The following ABCB1 variants were observed in gnomAD, a reference collection of about 807,000 sequenced individuals.
ABCB1 encodes ATP-dependent translocase ABCB1.
Under a neutral mutation model 142.0 loss-of-function variants are expected in ABCB1, and 69 were observed. That is an observed-to-expected ratio of 0.49 (90% CI 0.40 to 0.59). The LOEUF is 0.59. ABCB1 is among the 20% of genes least tolerant of loss of function. The pLI is 0.00. For missense variants in ABCB1, 1,326 were observed against 1,554.7 expected, an observed-to-expected ratio of 0.85 and a Z score of 2.47; for synonymous variants, 532 against 539.2, an observed-to-expected ratio of 0.99 and a Z score of 0.18.
chr7:87,576,750 A>C (rs1309174974), intron 4 of ABCB1, among the ~76,000 whole-genome samples: 2 of 151,700 alleles, frequency 1.3e-5, no homozygotes, highest in African/African-American at 4.8e-5. Context: ...AATTTATTTA[A>C]TTTTAATTTT....
intron 1 of ABCB1, among the ~76,000 whole-genome samples, chr7:87,657,467 G>A (rs1355643197): frequency 1.3e-5 from 2 of 152,082 alleles, no homozygotes; most frequent in Non-Finnish European, 1.5e-5. Context: ...TTAGAATTCC[G>A]CCCTCCTGAG....
At chr7:87,617,828 G>C (rs913666619) in intron 1 of ABCB1, among the ~76,000 whole-genome samples, 4 of 152,166 alleles carry the variant, frequency 2.6e-5, no homozygotes, top group African/African-American at 9.7e-5. Flanking sequence ...GGATAAAGAT[G>C]AAAATGTTTA....
intron 9 of ABCB1, among the ~76,000 whole-genome samples, chr7:87,552,958 A>G (rs1440862491): frequency 6.6e-6 from 1 of 152,176 alleles, no homozygotes; most frequent in Non-Finnish European, 1.5e-5. Flanking sequence ...ATTAAATGGC[A>G]AGACTTCTGT....
At chr7:87,690,705 G>A (rs937671617) in intron 1 of ABCB1, among the ~76,000 whole-genome samples, 2 of 152,018 alleles carry the variant, frequency 1.3e-5, no homozygotes, top group African/African-American at 2.4e-5. Context: ...TAAGCAACTC[G>A]CCTTAACAGT....
At chr7:87,705,775 C>G (rs185426725) in intron 1 of ABCB1, among the ~76,000 whole-genome samples, 2 of 152,114 alleles carry the variant, frequency 1.3e-5, no homozygotes, top group African/African-American at 4.8e-5. Context: ...GGGTCATATG[C>G]TCTTATAAAC....
chr7:87,686,857 G>A (rs1302773161), intron 1 of ABCB1, among the ~76,000 whole-genome samples: 2 of 150,686 alleles, frequency 1.3e-5, no homozygotes, highest in Non-Finnish European at 3.0e-5. Context: ...AGGTGGGAGG[G>A]TCACCTGAGC....
At chr7:87,668,525 T>C (rs1825501164) in intron 1 of ABCB1, among the ~76,000 whole-genome samples, 1 of 152,038 alleles carries the variant, frequency 6.6e-6, no homozygotes. Flanking sequence ...CCGCTAGTAT[T>C]GGGGTTGATT....
chr7:87,531,675 C>A, intron 20 of ABCB1, 178 bp from the exon 21 acceptor site: 1 of 611,810 alleles, frequency 1.6e-6, no homozygotes, highest in Non-Finnish European at 2.8e-6. Context: ...TCCATGACTT[C>A]AGAATGCTGA....
At chr7:87,574,738 C>T (rs1818204109) in intron 4 of ABCB1, among the ~76,000 whole-genome samples, 1 of 152,170 alleles carries the variant, frequency 6.6e-6, no homozygotes, top group African/African-American at 2.4e-5. Flanking sequence ...CATCATCTTA[C>T]CCCTAGCAGA....
chr7:87,551,668 A>T (rs985142081), intron 9 of ABCB1, among the ~76,000 whole-genome samples: 2 of 152,148 alleles, frequency 1.3e-5, no homozygotes, highest in African/African-American at 4.8e-5. Context: ...TTAAAAAAAA[A>T]AATTATAGAG....
intron 1 of ABCB1, among the ~76,000 whole-genome samples, chr7:87,677,543 T>C (rs558325520): frequency 6.6e-6 from 1 of 152,098 alleles, no homozygotes; most frequent in Non-Finnish European, 1.5e-5. Context: ...AGGGGAGATA[T>C]TGGTCAAAGG....
At chr7:87,619,912 G>A (rs958704775) in intron 1 of ABCB1, among the ~76,000 whole-genome samples, 3 of 152,122 alleles carry the variant, frequency 2.0e-5, no homozygotes, top group East Asian at 3.8e-4. Flanking sequence ...GCTTGCATAA[G>A]CAGAATTCAG....
chr7:87,683,484 T>G (rs1388853792), intron 1 of ABCB1, among the ~76,000 whole-genome samples: 1 of 152,184 alleles, frequency 6.6e-6, no homozygotes, highest in Non-Finnish European at 1.5e-5. Flanking sequence ...GAGGCCATTA[T>G]AGGATTATTA....
intron 6 of ABCB1, 97 bp from the exon 7 acceptor site, chr7:87,566,338 A>C: frequency 8.1e-7 from 1 of 1,235,100 alleles, no homozygotes; most frequent in Non-Finnish European, 1.2e-6. Flanking sequence ...TTATGGCTAG[A>C]GTATTTTGTG....
chr7:87,651,968 G>A (rs767189849), intron 1 of ABCB1, among the ~76,000 whole-genome samples: 4 of 151,950 alleles, frequency 2.6e-5, no homozygotes, highest in Admixed American at 6.6e-5. Flanking sequence ...CCTTTTTGCT[G>A]TTCTGTGTTT....
At chr7:87,606,326 A>G (rs1327473456) in intron 1 of ABCB1, among the ~76,000 whole-genome samples, 1 of 152,162 alleles carries the variant, frequency 6.6e-6, no homozygotes, top group Non-Finnish European at 1.5e-5. Flanking sequence ...ATAAACAAGT[A>G]GGAGTTGAAA....
intron 1 of ABCB1, among the ~76,000 whole-genome samples, chr7:87,638,124 G>A (rs917177808): frequency 1.3e-5 from 2 of 151,822 alleles, no homozygotes; most frequent in Admixed American, 6.6e-5. Context: ...AGTGAATTAT[G>A]TTGACTTTTG....
rs1470598507 is a variant in ABCB1 at position 87,504,341 on chromosome 7, C to T, written c.3745G>A (p.Gly1249Ser). 1 of 1,613,930 alleles carries T rather than the reference C, an allele frequency of 6.2e-7. No homozygotes were observed. Among genetic ancestry groups the T allele is most frequent in the Non-Finnish European group, 8.5e-7 (1 of 1,180,006 alleles). The stretch of plus-strand genomic sequence containing the variant: ...TGCGTGCCATGCTCCTTGACTCTGC[C>T]ATTCTGAAACACCACTATTAAGTCT... ...NADLIVVFQN[G>S]RVKEHGTHQQ... is the part of the protein sequence containing the mutation. The change falls in exon 28 of 28, where the codon GGC becomes AGC. Residue 1249 changes from glycine to serine, a missense_variant. Physicochemically the swap from Gly to Ser is moderately conservative, Grantham distance 56 (BLOSUM62 0). Coordinates refer to ENST00000622132, the MANE Select transcript of ABCB1 (RefSeq NM_001348946.2).
rs780790071 is a variant in ABCB1 at position 87,553,865 on chromosome 7, T to C, written c.895A>G (p.Ile299Val). ...TAGATCAGCAGGAAAGCAGCACCTA[T>C]AGAAATATTGGCTGTAATAGCTTTC... is the stretch of plus-strand genomic sequence containing the variant. ...IKKAITANIS[I>V]GAAFLLIYAS... The change falls in exon 9 of 28, where the codon ATA (isoleucine) becomes GTA (valine). Residue 299 changes from isoleucine (I) to valine (V), a missense_variant. Transcript: ENST00000622132. 2 of 1,614,118 alleles carry C rather than the reference T, an allele frequency of 1.2e-6. No homozygotes were observed. Among genetic ancestry groups the C allele is most frequent in the Admixed American group, 3.3e-5 (2 of 60,030 alleles).
Sources: gnomAD v4.1 joint callset for allele counts (sites outside exome capture counted in the v4.1 genomes callset) on GRCh38, gnomAD v4.1.1 for gene constraint, MANE v1.5 for transcripts, NCBI Gene and HGNC (gene_info 2026-07-23, HGNC 2026-07-21) for gene names.